The following PCDH15 variants were observed in gnomAD, a reference collection of about 807,000 sequenced individuals.
The protein encoded by PCDH15 is protocadherin-15.
Under a neutral mutation model 178.5 loss-of-function variants are expected in PCDH15, and 129 were observed. The observed-to-expected ratio is 0.72, with a 90% confidence interval of 0.63 to 0.84. PCDH15 has a LOEUF of 0.84. Ranked by LOEUF, PCDH15 falls within the 40% of genes least tolerant of loss-of-function variation. The pLI is 0.00. For missense variants in PCDH15, 2,230 were observed against 2,099.9 expected (o/e 1.06, Z -1.21); for synonymous variants, 800 against 732.0 (o/e 1.09, Z -1.50).
At chr10:53,913,378 G>T (rs2083267677) in intron 25 of PCDH15, among the ~76,000 whole-genome samples, 1 of 152,056 alleles carries the variant, frequency 6.6e-6, no homozygotes, top group African/African-American at 2.4e-5. Flanking sequence ...ACTTAGGCAT[G>T]ACTAAAACAC....
Position 54,195,868 on chromosome 10 carries a change from G to A in PCDH15, c.1120C>T (p.Pro374Ser). 2 of 1,613,466 alleles carry A rather than the reference G, an allele frequency of 1.2e-6. No individual in the cohort carries two copies. The highest frequency in any genetic ancestry group is 1.7e-6 in the Non-Finnish European group (2 of 1,179,622). ...TGTAGACCGGCAAAGGCAGGAAGAG[G>A]ATGACCATTGTCTTGTTCAGCCTAA... ...VIKAEQDNGH[P>S]LPAFAGLHIE... Residue 374 changes from proline to serine, a missense_variant, in exon 11 of 38, where the codon CCT becomes TCT. By Grantham distance (74) the Pro-to-Ser change is moderately conservative. Transcript: ENST00000644397.
chr10:54,072,064 C>T (rs2094255096), intron 17 of PCDH15, among the ~76,000 whole-genome samples: 1 of 151,722 alleles, frequency 6.6e-6, no homozygotes, highest in African/African-American at 2.4e-5. Flanking sequence ...AAAAGAAGAG[C>T]TAGAAAGAAT....
chr10:53,997,497 G>A (rs1452533905), intron 20 of PCDH15, among the ~76,000 whole-genome samples: 1 of 152,090 alleles, frequency 6.6e-6, no homozygotes, highest in Non-Finnish European at 1.5e-5. Context: ...CCATGCATGA[G>A]TTTCCAATGA....
chr10:54,727,838 A>C (rs10825386), intron 1 of PCDH15, among the ~76,000 whole-genome samples: 86,427 of 151,164 alleles, frequency 0.57, 26,215 homozygotes, highest in Middle Eastern at 0.72. Flanking sequence ...ACCTTGAAGG[A>C]ATAAATAAGT....
At chr10:54,461,241 A>G (rs1565335767) in intron 3 of PCDH15, among the ~76,000 whole-genome samples, 1 of 152,136 alleles carries the variant, frequency 6.6e-6, no homozygotes. Context: ...GCATGAATAC[A>G]TATTTGTGCT....
intron 1 of PCDH15, among the ~76,000 whole-genome samples, chr10:54,779,481 T>TATATGTGTATATATATATACACAC (rs1566222419): frequency 9.4e-5 from 7 of 74,292 alleles, no homozygotes; most frequent in African/African-American, 3.9e-4. Context: ...TATACACACA[T>TATATGTGTATATATATATACACAC]ATATATGTAT....
intron 32 of PCDH15, among the ~76,000 whole-genome samples, chr10:53,820,568 C>A (rs951586995): frequency 7.2e-5 from 11 of 151,934 alleles, no homozygotes; most frequent in African/African-American, 1.9e-4. Context: ...TCTTAAAACT[C>A]CAGAGTGTTT....
chr10:54,045,926 C>T (rs1389883966), intron 18 of PCDH15, among the ~76,000 whole-genome samples: 1 of 151,888 alleles, frequency 6.6e-6, no homozygotes, highest in Non-Finnish European at 1.5e-5. Flanking sequence ...ATGTTTGAAA[C>T]ATATATAACA....
At chr10:55,367,371 A>G (rs1845390540) in intron 2 of PCDH15, among the ~76,000 whole-genome samples, 1 of 152,074 alleles carries the variant, frequency 6.6e-6, no homozygotes, top group South Asian at 2.1e-4. Context: ...TCTTGAGCCC[A>G]GGAGTTTGAG....
chr10:54,551,440 T>A (rs1379931901), intron 2 of PCDH15, among the ~76,000 whole-genome samples: 1 of 152,028 alleles, frequency 6.6e-6, no homozygotes, highest in Non-Finnish European at 1.5e-5. Context: ...TTCTGAATCA[T>A]AACAGAATGA....
chr10:55,029,922 T>G (rs1429044519), intron 2 of PCDH15, among the ~76,000 whole-genome samples: 1 of 152,156 alleles, frequency 6.6e-6, no homozygotes, highest in Non-Finnish European at 1.5e-5. Context: ...TGAACTTTCC[T>G]AATCCTAAAA....
At chr10:54,230,207 A>C (rs1487628608) in intron 9 of PCDH15, among the ~76,000 whole-genome samples, 3 of 152,154 alleles carry the variant, frequency 2.0e-5, no homozygotes, top group Non-Finnish European at 4.4e-5. Flanking sequence ...AAATTAGAAG[A>C]AGCATTCTAG....
chr10:54,757,052 G>A (rs1190734868), intron 1 of PCDH15, among the ~76,000 whole-genome samples: 5 of 152,122 alleles, frequency 3.3e-5, no homozygotes, highest in Non-Finnish European at 1.5e-5. Context: ...GATAGTAAAT[G>A]TCTTTTGATA....
chr10:55,403,392 C>CT (rs1195449415), intron 2 of PCDH15, among the ~76,000 whole-genome samples: 1 of 151,238 alleles, frequency 6.6e-6, no homozygotes, highest in Non-Finnish European at 1.5e-5. Context: ...TACCATTTGC[C>CT]TTTTTTTTCT....
At chr10:55,428,752 T>A (rs1838816431) in intron 2 of PCDH15, among the ~76,000 whole-genome samples, 1 of 151,968 alleles carries the variant, frequency 6.6e-6, no homozygotes, top group Non-Finnish European at 1.5e-5. Flanking sequence ...TGTATTGTTA[T>A]TTGTTTCCTA....
chr10:54,058,704 T>C (rs1223080405), intron 18 of PCDH15, among the ~76,000 whole-genome samples: 1 of 151,888 alleles, frequency 6.6e-6, no homozygotes, highest in Non-Finnish European at 1.5e-5. Context: ...CTTTCTTTTT[T>C]TTTTTTTAGA....
intron 2 of PCDH15, among the ~76,000 whole-genome samples, chr10:54,918,983 T>C (rs935181889): frequency 6.6e-6 from 1 of 152,186 alleles, no homozygotes; most frequent in East Asian, 1.9e-4. Flanking sequence ...GAGTATCATA[T>C]TGCGTATCAC....
At chr10:53,895,385 G>A (rs2081883863) in intron 26 of PCDH15, among the ~76,000 whole-genome samples, 1 of 152,006 alleles carries the variant, frequency 6.6e-6, no homozygotes, top group Non-Finnish European at 1.5e-5. Flanking sequence ...TTTTCTTGCT[G>A]CTTTTTCACA....
chr10:53,994,916 C>T (rs2091751634), intron 21 of PCDH15: 1 of 151,958 alleles, frequency 6.6e-6, no homozygotes, highest in South Asian at 2.1e-4. Flanking sequence ...TATTTTCTTA[C>T]TCTTCTAAAA....
Sources: gnomAD v4.1 joint callset for allele counts (sites outside exome capture counted in the v4.1 genomes callset) on GRCh38, gnomAD v4.1.1 for gene constraint, MANE v1.5 for transcripts, NCBI Gene and HGNC (gene_info 2026-07-23, HGNC 2026-07-21) for gene names.